CHIC2: variants seen among roughly 807,000 people sequenced by gnomAD.
CHIC2 encodes cysteine rich hydrophobic domain 2.
CHIC2 carries 14 observed loss-of-function variants against 25.9 expected under a neutral mutation model. The ratio of observed to expected loss-of-function variants is 0.54; its 90% CI spans 0.36 to 0.85. The LOEUF is 0.85. Ranked by LOEUF, CHIC2 falls within the 40% of genes least tolerant of loss-of-function variation. The pLI is 0.01. For missense variants in CHIC2, 146 were observed against 202.0 expected (o/e 0.72, Z 1.68); for synonymous variants, 70 against 72.0 (o/e 0.97, Z 0.14).
At chr4:54,078,242 A>G in the CHIC2 span, among the ~76,000 whole-genome samples, 822 of 152,304 alleles carry the variant, frequency 5.4e-3, 15 homozygotes, top group African/African-American at 0.019. Flanking sequence ...AAAGGGTCAG[A>G]TGTTGCTTTT....
At chr4:54,051,541 CCA>C (rs1437676838) in intron 1 of CHIC2, among the ~76,000 whole-genome samples, 1 of 152,014 alleles carries the variant, frequency 6.6e-6, no homozygotes, top group Non-Finnish European at 1.5e-5. Flanking sequence ...TTGCAAATAA[CCA>C]CAGTTGTCAA....
intron 1 of CHIC2, among the ~76,000 whole-genome samples, chr4:54,049,855 TTTG>T (rs1716948339): frequency 6.6e-6 from 1 of 152,156 alleles, no homozygotes; most frequent in South Asian, 2.1e-4. Flanking sequence ...TGAACACCTA[TTTG>T]TCAGTGCATT....
At chr4:54,089,807 G>C in the CHIC2 span, among the ~76,000 whole-genome samples, 1 of 152,176 alleles carries the variant, frequency 6.6e-6, no homozygotes, top group Admixed American at 6.5e-5. Flanking sequence ...TGGAGTATCT[G>C]ATACTATAAC....
intron 3 of CHIC2, among the ~76,000 whole-genome samples, chr4:54,042,652 A>G (rs1187614326): frequency 6.6e-6 from 1 of 152,204 alleles, no homozygotes; most frequent in East Asian, 1.9e-4. Context: ...AAATGCCCAC[A>G]TAGCAGAAGG....
chr4:54,070,485 C>T, the CHIC2 span, among the ~76,000 whole-genome samples: 1 of 152,060 alleles, frequency 6.6e-6, no homozygotes, highest in Non-Finnish European at 1.5e-5. Context: ...TGCAATGGCA[C>T]AATCTCGGCT....
chr4:54,039,278 T>C (rs145509187), intron 3 of CHIC2, among the ~76,000 whole-genome samples: 126 of 152,246 alleles, frequency 8.3e-4, no homozygotes, highest in African/African-American at 2.9e-3. Context: ...GAAGACATTG[T>C]TGGAGAATGA....
At chr4:54,015,288 T>C (rs1400353158) in intron 3 of CHIC2, among the ~76,000 whole-genome samples, 1 of 152,112 alleles carries the variant, frequency 6.6e-6, no homozygotes, top group African/African-American at 2.4e-5. Context: ...TGGGTAATAA[T>C]ATGCCAATGA....
At chr4:54,037,180 C>T (rs569171647) in intron 3 of CHIC2, among the ~76,000 whole-genome samples, 1 of 152,004 alleles carries the variant, frequency 6.6e-6, no homozygotes, top group South Asian at 2.1e-4. Flanking sequence ...GAAACCCTGT[C>T]TCTACCAAAA....
chr4:54,040,388 G>A (rs1716527113), intron 3 of CHIC2, among the ~76,000 whole-genome samples: 1 of 151,924 alleles, frequency 6.6e-6, no homozygotes, highest in Admixed American at 6.6e-5. Context: ...CCAAAATGGT[G>A]AAACCCCGTC....
chr4:54,036,441 C>G (rs992365091), intron 3 of CHIC2, among the ~76,000 whole-genome samples: 3 of 152,110 alleles, frequency 2.0e-5, no homozygotes, highest in Non-Finnish European at 4.4e-5. Context: ...AGATGAAAGG[C>G]AGCAGGCATC....
chr4:54,059,470 G>T (rs779347392), intron 1 of CHIC2: 8 of 152,010 alleles, frequency 5.3e-5, no homozygotes, highest in Non-Finnish European at 1.0e-4. Flanking sequence ...AGAGCCAGGA[G>T]GTCAAGGCCA....
rs1217202821 is a variant in CHIC2 at position 54,045,768 on chromosome 4, A to C, written c.330+3187T>G. Among the ~76,000 whole-genome samples, 134 of 142,304 alleles carry C rather than the reference A, an allele frequency of 9.4e-4. No individual in the cohort carries two copies. In the South Asian group the frequency reaches 0.022, roughly 23 times the overall value. 93.4% of individuals were successfully genotyped at this position (142,304 alleles called of 152,430 possible). A position where few individuals can be genotyped will look rare whatever the true frequency, so the allele number is the denominator to read the frequency against. On this transcript the variant is annotated intron_variant, in intron 3 of 5. Coordinates refer to ENST00000263921, the MANE Select transcript of CHIC2 (RefSeq NM_012110.4). ...ACAGGGATGCCCTCTCTCACCACTC[A>C]TATTCAACATAGTGTTGGAAGTTCT...
intron 3 of CHIC2, among the ~76,000 whole-genome samples, chr4:54,040,129 G>A (rs1716517911): frequency 6.6e-6 from 1 of 152,132 alleles, no homozygotes. Flanking sequence ...TCTTGATTCT[G>A]GTGGTGGTTA....
chr4:54,070,111 A>C, the CHIC2 span, among the ~76,000 whole-genome samples: 44 of 152,342 alleles, frequency 2.9e-4, no homozygotes, highest in African/African-American at 1.0e-3. Flanking sequence ...GTATGGAGGT[A>C]GGGAAGTAGA....
intron 3 of CHIC2, 139 bp downstream of exon 3, chr4:54,048,816 A>T: frequency 1.6e-6 from 1 of 643,918 alleles, no homozygotes. Context: ...TTACTGACTC[A>T]CTCCTCTCCT....
chr4:54,032,509 C>G (rs1716264137), intron 3 of CHIC2, among the ~76,000 whole-genome samples: 1 of 152,138 alleles, frequency 6.6e-6, no homozygotes, highest in Non-Finnish European at 1.5e-5. Context: ...CGCGAGTGAT[C>G]CGCCAGCCTC....
At chr4:54,067,076 C>T (rs7659366), upstream of CHIC2, among the ~76,000 whole-genome samples, 60,250 of 151,986 alleles carry the variant, frequency 0.4, 13,030 homozygotes, top group African/African-American at 0.56. Flanking sequence ...AATTGAGATA[C>T]AGTGTTACTA....
At chr4:54,032,318 C>G (rs955325370) in intron 3 of CHIC2, among the ~76,000 whole-genome samples, 2 of 147,370 alleles carry the variant, frequency 1.4e-5, no homozygotes, top group Non-Finnish European at 3.0e-5. Flanking sequence ...GATGCCGAGC[C>G]GAAGCTGGAC....
At chr4:54,087,469 G>A in the CHIC2 span, 116 of 809,520 alleles carry the variant, frequency 1.4e-4, no homozygotes, top group Admixed American at 3.9e-4. Flanking sequence ...ATGAAATTGT[G>A]ACAAGAATAA....
Sources: allele counts gnomAD v4.1 joint callset (sites outside exome capture counted in the v4.1 genomes callset), GRCh38; gene constraint gnomAD v4.1.1; transcripts MANE v1.5; gene names NCBI Gene and HGNC (gene_info 2026-07-23, HGNC 2026-07-21).